CADM1: variants seen among roughly 807,000 people sequenced by gnomAD.
CADM1 encodes TSLC-1.
CADM1 carries 15 observed loss-of-function variants against 53.1 expected under a neutral mutation model. That is an observed-to-expected ratio of 0.28 (90% CI 0.19 to 0.44). CADM1 has a LOEUF of 0.44. CADM1 is among the 20% of genes least tolerant of loss of function. The pLI is 1.00. For synonymous variants in CADM1, 281 were observed against 243.0 expected (o/e 1.16, Z -1.45); for missense variants, 434 against 611.3 (o/e 0.71, Z 3.06).
intron 1 of CADM1, among the ~76,000 whole-genome samples, chr11:115,481,646 T>A (rs1173497695): frequency 6.6e-6 from 1 of 152,200 alleles, no homozygotes; most frequent in Non-Finnish European, 1.5e-5. Context: ...CAACACTGTC[T>A]GCTTTCTAAA....
intron 1 of CADM1, among the ~76,000 whole-genome samples, chr11:115,487,354 T>C (rs921765591): frequency 3.3e-5 from 5 of 152,196 alleles, no homozygotes; most frequent in African/African-American, 9.6e-5. Flanking sequence ...AAAAAATTTA[T>C]CTTTTTCTTG....
intron 1 of CADM1, among the ~76,000 whole-genome samples, chr11:115,272,797 C>CTAGATGACG (rs1415929896): frequency 1.1e-4 from 17 of 150,264 alleles, no homozygotes; most frequent in Non-Finnish European, 1.9e-4. Context: ...ACACCTAATG[C>CTAGATGACG]TAGATGACGA....
chr11:115,222,976 TTGTTC>T (rs1215530499), intron 5 of CADM1, among the ~76,000 whole-genome samples: 1 of 152,138 alleles, frequency 6.6e-6, no homozygotes, highest in Non-Finnish European at 1.5e-5. Context: ...TTGTTTTGTT[TTGTTC>T]TGTTTCTTGA....
chr11:115,399,125 A>G (rs910222666), intron 1 of CADM1: 7 of 152,212 alleles, frequency 4.6e-5, no homozygotes, highest in African/African-American at 1.7e-4. Flanking sequence ...AAGAAGAAAA[A>G]GATATCCAAC....
At chr11:115,422,966 A>C (rs543734936) in intron 1 of CADM1, among the ~76,000 whole-genome samples, 1 of 152,156 alleles carries the variant, frequency 6.6e-6, no homozygotes, top group Non-Finnish European at 1.5e-5. Flanking sequence ...TTTCTCCTAC[A>C]ACAAAAAATG....
At chr11:115,445,835 ACCTGTC>A in intron 1 of CADM1, 1 of 439,942 alleles carries the variant, frequency 2.3e-6, no homozygotes, top group Admixed American at 2.5e-5. Context: ...ATGAAGTGAG[ACCTGTC>A]AAAAAAGAAA....
chr11:115,317,209 A>T (rs1385072491), intron 1 of CADM1, among the ~76,000 whole-genome samples: 1 of 152,182 alleles, frequency 6.6e-6, no homozygotes, highest in Admixed American at 6.6e-5. Context: ...CAGAAAATTG[A>T]TCTTCAATTG....
At chr11:115,375,401 C>A (rs1276065484) in intron 1 of CADM1, among the ~76,000 whole-genome samples, 3 of 152,128 alleles carry the variant, frequency 2.0e-5, no homozygotes, top group Non-Finnish European at 4.4e-5. Flanking sequence ...GTGCTGCTGG[C>A]AAAGTTCTTG....
chr11:115,345,176 G>A (rs895596784), intron 1 of CADM1, among the ~76,000 whole-genome samples: 3 of 152,112 alleles, frequency 2.0e-5, no homozygotes, highest in African/African-American at 2.4e-5. Context: ...CTGCCACCAC[G>A]CTGACCAAAG....
Position 115,181,549 on chromosome 11 carries a change from G to A in CADM1, c.1166-2774C>T, listed in dbSNP as rs538285541. Among the ~76,000 whole-genome samples, 22 of 152,282 alleles carry A rather than the reference G, an allele frequency of 1.4e-4. 1 individual carries two copies. The South Asian group carries it at 4.6e-3, about 32-fold the overall frequency. On this transcript the variant is annotated intron_variant, in intron 10 of 11. Coordinates refer to ENST00000331581, the MANE Select transcript of CADM1 (RefSeq NM_001301043.2). ...CTCCTGCCTTCAATTACTGCAGATG[G>A]ACACAGAAGGTAACTGATGTTTAAT...
chr11:115,334,511 A>G (rs1945214398), intron 1 of CADM1, among the ~76,000 whole-genome samples: 3 of 151,980 alleles, frequency 2.0e-5, no homozygotes, highest in African/African-American at 7.3e-5. Flanking sequence ...CCACATTCAC[A>G]TAACTTTTAT....
chr11:115,302,886 C>T (rs1447415171), intron 1 of CADM1, among the ~76,000 whole-genome samples: 3 of 151,990 alleles, frequency 2.0e-5, no homozygotes, highest in African/African-American at 7.2e-5. Context: ...GCAATGTTGC[C>T]ATCTCTGTGC....
At chr11:115,454,127 C>T (rs1203315602) in intron 1 of CADM1, among the ~76,000 whole-genome samples, 2 of 151,556 alleles carry the variant, frequency 1.3e-5, no homozygotes, top group Non-Finnish European at 2.9e-5. Context: ...TAACAAAGGT[C>T]TCTCTTTTGG....
chr11:115,398,111 T>C (rs1016570352), intron 1 of CADM1, among the ~76,000 whole-genome samples: 1 of 152,222 alleles, frequency 6.6e-6, no homozygotes, highest in Non-Finnish European at 1.5e-5. Flanking sequence ...TACTTTCAAA[T>C]TTCCTTAATC....
intron 1 of CADM1, among the ~76,000 whole-genome samples, chr11:115,339,687 C>T (rs1456752632): frequency 6.6e-6 from 1 of 151,996 alleles, no homozygotes; most frequent in African/African-American, 2.4e-5. Flanking sequence ...TATCTAATAT[C>T]AAAGTATAGA....
At chr11:115,331,817 T>C (rs1945136330) in intron 1 of CADM1, among the ~76,000 whole-genome samples, 2 of 151,520 alleles carry the variant, frequency 1.3e-5, no homozygotes, top group African/African-American at 2.4e-5. Flanking sequence ...GTGACACACA[T>C]ACAAATATTC....
intron 1 of CADM1, among the ~76,000 whole-genome samples, chr11:115,247,403 AAAG>A (rs1393796140): frequency 6.6e-6 from 1 of 152,166 alleles, no homozygotes; most frequent in East Asian, 1.9e-4. Context: ...CTTGGCATTC[AAAG>A]GAGGACATTA....
chr11:115,223,958 T>TA (rs71848250), intron 5 of CADM1, among the ~76,000 whole-genome samples: 94 of 106,798 alleles, frequency 8.8e-4, no homozygotes, highest in Admixed American at 1.3e-3. Flanking sequence ...GTATTCCGTT[T>TA]AAAAAAAAAA....
chr11:115,449,122 A>C (rs1948516270), intron 1 of CADM1, among the ~76,000 whole-genome samples: 1 of 152,192 alleles, frequency 6.6e-6, no homozygotes, highest in Non-Finnish European at 1.5e-5. Flanking sequence ...GCCCCAAAAT[A>C]GATATTGCAA....
Sources: allele counts gnomAD v4.1 joint callset (sites outside exome capture counted in the v4.1 genomes callset), GRCh38; gene constraint gnomAD v4.1.1; transcripts MANE v1.5; gene names NCBI Gene and HGNC (gene_info 2026-07-23, HGNC 2026-07-21).